Variants in NOL4L observed in about 807,000 individuals in gnomAD.
NOL4L encodes the protein nucleolar protein 4 like.
In NOL4L, 7 loss-of-function variants were observed where a neutral mutation model predicts 64.5. The observed-to-expected ratio is 0.11, with a 90% confidence interval of 0.06 to 0.20. The LOEUF is 0.20. Among genes scored for constraint, NOL4L ranks in the 10% least tolerant of loss-of-function variants. NOL4L has a pLI of 1.00. For missense variants in NOL4L, 680 were observed against 967.1 expected (o/e 0.70, Z 3.94); for synonymous variants, 413 against 401.0 (o/e 1.03, Z -0.36).
At chr20:32,564,171 C>T (rs1160114168) in intron 1 of NOL4L, among the ~76,000 whole-genome samples, 2 of 152,176 alleles carry the variant, frequency 1.3e-5, no homozygotes, top group African/African-American at 2.4e-5. Context: ...AGTCTCTGTT[C>T]GGTGTAGGCC....
chr20:32,474,477 G>T, intron 5 of NOL4L, 124 bp downstream of exon 5: 1 of 1,214,742 alleles, frequency 8.2e-7, no homozygotes, highest in Non-Finnish European at 1.1e-6. Flanking sequence ...TTGGGCCTGA[G>T]CCACCCAAAG....
Position 32,453,879 on chromosome 20 carries a change from A to G in NOL4L, c.1120-118T>C. On this transcript the variant is annotated intron_variant, in intron 6 of 10. Coordinates refer to ENST00000621426, the MANE Select transcript of NOL4L (RefSeq NM_001256798.2). The surrounding 1 kb of genome is among the most constrained non-coding windows in gnomAD (Gnocchi z 5.6). The stretch of plus-strand genomic sequence containing the variant: ...GGCACGCATGCCCTGCTGCCACGAG[A>G]GCCATAGCTGCGAGGCCCTGAGCAA... The G allele has an allele frequency of 1.1e-6, 1 of 908,616 alleles. No individual in the cohort carries two copies. Among genetic ancestry groups the G allele is most frequent in the South Asian group, 1.6e-5 (1 of 61,734 alleles). The allele number at this position is 908,616 out of a possible 1,614,324, so 56.3% of individuals were successfully genotyped here.
At chr20:32,457,521 C>A (rs1339264876) in intron 5 of NOL4L, among the ~76,000 whole-genome samples, 4 of 145,136 alleles carry the variant, frequency 2.8e-5, no homozygotes, top group African/African-American at 1.0e-4. Context: ...GGGCACTGGG[C>A]ACGCGCACCT....
At chr20:32,488,541 C>T (rs150399667) in intron 4 of NOL4L, among the ~76,000 whole-genome samples, 1 of 152,328 alleles carries the variant, frequency 6.6e-6, no homozygotes, top group East Asian at 1.9e-4. Flanking sequence ...CTGCCACCAG[C>T]AATATCTAGC....
chr20:32,486,781 C>T (rs1195794569), intron 4 of NOL4L: 1 of 471,112 alleles, frequency 2.1e-6, no homozygotes, highest in East Asian at 6.9e-5. Context: ...ACATGATGTC[C>T]TCGGCTCCTG....
chr20:32,564,617 G>A (rs1252992966), intron 1 of NOL4L, among the ~76,000 whole-genome samples: 2 of 152,234 alleles, frequency 1.3e-5, no homozygotes. Flanking sequence ...GCTCTGCCTC[G>A]TATGTCCTGT....
intron 4 of NOL4L, among the ~76,000 whole-genome samples, chr20:32,488,802 T>TC (rs1428472991): frequency 3.2e-5 from 1 of 31,738 alleles, no homozygotes; most frequent in South Asian, 9.7e-4. Context: ...TTTCTTTCTT[T>TC]CTTTTTCTTT....
intron 4 of NOL4L, among the ~76,000 whole-genome samples, chr20:32,504,723 G>T (rs1323747082): frequency 6.6e-6 from 1 of 151,608 alleles, no homozygotes; most frequent in African/African-American, 2.4e-5. Context: ...TCCTGCCTCA[G>T]CCTCTGAGTA....
In NOL4L at chr20:32,487,941, T is replaced by TA. The variant is rs1568646293; in HGVS notation, c.700-13200_700-13199insT. On this transcript the variant is annotated intron_variant, in intron 4 of 10. Transcript: ENST00000621426. ...TTTTTGTTTGTTGGTTTTATTTTTT[T>TA]TTTTTTTTGACCAAATCTTGCTGTG... 4.9e-4 allele frequency among the ~76,000 whole-genome samples: 75 copies of TA among 152,032 alleles called. 1 individual carries two copies. In the South Asian group the frequency reaches 0.011, roughly 23 times the overall value.
At chr20:32,487,469 TC>T (rs2016140322) in intron 4 of NOL4L, among the ~76,000 whole-genome samples, 1 of 151,866 alleles carries the variant, frequency 6.6e-6, no homozygotes, top group African/African-American at 2.4e-5. Context: ...GGTGTCCTAA[TC>T]CCCAGAGGGC....
intron 2 of NOL4L, 104 bp downstream of exon 2, chr20:32,527,654 G>A (rs975145216): frequency 2.2e-5 from 30 of 1,343,438 alleles, no homozygotes; most frequent in Middle Eastern, 2.5e-4. Flanking sequence ...GTTTCATCAC[G>A]CCTCAGCTCC....
In NOL4L at chr20:32,447,572, A is replaced by T; in HGVS notation, c.*24T>A. Reference sequence around the variant, plus strand: ...CTGGGACAGCCTCCTTCCCTAGGGCAGTGCGCTCCAGGTGCCGGTGGGGTC... The same window carrying T: ...CTGGGACAGCCTCCTTCCCTAGGGCTGTGCGCTCCAGGTGCCGGTGGGGTC... On this transcript the variant is annotated 3_prime_UTR_variant, in exon 11 of 11. Transcript: ENST00000621426. The T allele has an allele frequency of 6.3e-7, 1 of 1,575,992 alleles. No homozygotes were observed.
At chr20:32,489,826 A>C (rs944963768) in intron 4 of NOL4L, among the ~76,000 whole-genome samples, 1 of 147,504 alleles carries the variant, frequency 6.8e-6, no homozygotes, top group Non-Finnish European at 1.5e-5. Flanking sequence ...ATAAATAAAT[A>C]AATAAGTAAA....
intron 1 of NOL4L, chr20:32,572,441 A>ACT (rs1979809021): frequency 6.6e-6 from 1 of 152,272 alleles, no homozygotes; most frequent in African/African-American, 2.4e-5. Context: ...AACTGGAAGA[A>ACT]GTAGCTGACG....
chr20:32,547,136 A>C (rs993414996), intron 1 of NOL4L, among the ~76,000 whole-genome samples: 8 of 152,080 alleles, frequency 5.3e-5, no homozygotes, highest in African/African-American at 1.9e-4. Context: ...TACATATATC[A>C]ACTCACTGAC....
intron 1 of NOL4L, among the ~76,000 whole-genome samples, chr20:32,567,668 C>T (rs886700540): frequency 1.3e-5 from 2 of 152,228 alleles, no homozygotes; most frequent in Admixed American, 6.5e-5. Flanking sequence ...CTGCCCTTTG[C>T]TCACAGGGGC....
At chr20:32,492,465 T>A (rs2016506137) in intron 4 of NOL4L, among the ~76,000 whole-genome samples, 1 of 152,230 alleles carries the variant, frequency 6.6e-6, no homozygotes, top group South Asian at 2.1e-4. Context: ...GGTGCTGATG[T>A]TTTGTTTCTT....
intron 1 of NOL4L, among the ~76,000 whole-genome samples, chr20:32,583,200 C>G (rs1254339437): frequency 6.6e-6 from 1 of 151,548 alleles, no homozygotes; most frequent in Non-Finnish European, 1.5e-5. Flanking sequence ...GCGCTCGCGG[C>G]TCCCACTCCC....
intron 4 of NOL4L, chr20:32,483,420 G>A (rs2145499647): frequency 1.0e-6 from 1 of 987,352 alleles, no homozygotes; most frequent in South Asian, 4.5e-5. Flanking sequence ...CGGGGCGGGC[G>A]GCGGTGACAG....
Sources: allele counts gnomAD v4.1 joint callset (sites outside exome capture counted in the v4.1 genomes callset), GRCh38; gene constraint gnomAD v4.1.1; non-coding constraint Gnocchi (gnomAD v3.1); transcripts MANE v1.5; gene names NCBI Gene and HGNC (gene_info 2026-07-23, HGNC 2026-07-21).